Variants in UQCRC1 observed in about 807,000 individuals in gnomAD.
UQCRC1 encodes cytochrome b-c1 complex subunit 1, mitochondrial.
In UQCRC1, 34 loss-of-function variants were observed where a neutral mutation model predicts 58.0. The ratio of observed to expected loss-of-function variants is 0.59; its 90% CI spans 0.45 to 0.78. The LOEUF is 0.78. UQCRC1 is among the 30% of genes least tolerant of loss of function. UQCRC1 has a pLI of 0.00. For missense variants in UQCRC1, 610 were observed against 646.0 expected, an observed-to-expected ratio of 0.94 and a Z score of 0.60; for synonymous variants, 276 against 248.8, an observed-to-expected ratio of 1.11 and a Z score of -1.03.
chr3:48,604,040 G>A, intron 5 of UQCRC1, 193 bp downstream of exon 5: 1 of 650,776 alleles, frequency 1.5e-6, no homozygotes, highest in Non-Finnish European at 2.6e-6. Context: ...TTAAAACAAA[G>A]CCCAAAATTC....
In UQCRC1 at chr3:48,599,663, A is replaced by G. The variant is rs1307223615; in HGVS notation, c.1350T>C (p.Tyr450=). Residue 450 remains tyrosine (Y), a synonymous_variant, in exon 12 of 13, where the codon TAT becomes TAC. Transcript: ENST00000203407. ...VVREICSKYI[Y]DQCPAVAGYG... ...ATCCAGCCACTGCTGGGCACTGGTC[A>G]TAGATGTACTTGGAGCAGATCTCAC... 1.2e-6 allele frequency: 2 copies of G among 1,613,948 alleles called. No homozygotes were observed. The highest frequency in any genetic ancestry group is 1.7e-5 in the Admixed American group (1 of 60,020).
rs1042852270 is a variant in UQCRC1 at position 48,600,736 on chromosome 3, G to A, written c.1071C>T (p.His357=). The change falls in exon 9 of 13, where the codon CAC becomes CAT. Residue 357 remains histidine, a synonymous_variant. Transcript: ENST00000203407. The part of the protein sequence containing the change: ...CYAETGLLGA[H]FVCDRMKIDD... The stretch of plus-strand genomic sequence containing the variant: ...CGATTTTCATTCGGTCACAGACAAA[G>A]TGTGCACCCAGCAAGCCCGTCTCTG... 2 of 1,614,062 alleles carry A rather than the reference G, an allele frequency of 1.2e-6. No homozygotes were observed. Among genetic ancestry groups the A allele is most frequent in the African/African-American group, 1.3e-5 (1 of 74,938 alleles).
intron 6 of UQCRC1, 64 bp downstream of exon 6, chr3:48,603,500 C>A (rs894887972): frequency 6.4e-6 from 10 of 1,560,244 alleles, no homozygotes; most frequent in Non-Finnish European, 8.8e-6. Context: ...GGAACCAGGA[C>A]CTCGGCTTTG....
Position 48,600,961 on chromosome 3 carries a change from G to A in UQCRC1, c.966+14C>T, listed in dbSNP as rs184725145. On this transcript the variant is annotated intron_variant, in intron 8 of 12. Coordinates refer to ENST00000203407, the MANE Select transcript of UQCRC1 (RefSeq NM_003365.3). ...TCCCTGAAGGCGAGGTCCCATGCTC[G>A]CGCTGGCACTCACCACGCCACCACC... is the stretch of plus-strand genomic sequence containing the variant. The A allele has an allele frequency of 1.7e-4, 268 of 1,600,840 alleles. 1 individual carries two copies. In the East Asian group the frequency reaches 5.0e-3, roughly 30 times the overall value.
intron 2 of UQCRC1, 131 bp downstream of exon 2, chr3:48,609,031 C>T (rs1575515503): frequency 2.3e-6 from 3 of 1,279,720 alleles, no homozygotes; most frequent in Admixed American, 2.7e-5. Context: ...GGGCCATTCT[C>T]GGGGTGAGTG....
At chr3:48,607,717 C>A (rs1248558420) in intron 2 of UQCRC1, among the ~76,000 whole-genome samples, 1 of 152,120 alleles carries the variant, frequency 6.6e-6, no homozygotes, top group African/African-American at 2.4e-5. Flanking sequence ...AGCCACTGTG[C>A]CCCGCCCACA....
At chr3:48,602,311 A>G (rs937368995) in intron 6 of UQCRC1, among the ~76,000 whole-genome samples, 4 of 152,006 alleles carry the variant, frequency 2.6e-5, no homozygotes, top group Non-Finnish European at 5.9e-5. Flanking sequence ...TCGGCCTCCC[A>G]AAGTGCTGGG....
chr3:48,603,466 TG>T, intron 6 of UQCRC1, 97 bp downstream of exon 6: 1 of 1,219,772 alleles, frequency 8.2e-7, no homozygotes, highest in Non-Finnish European at 1.2e-6. Flanking sequence ...CAGAGTCCCC[TG>T]GGGTGAAAGG....
At chr3:48,606,040 C>T (rs2046407935) in intron 2 of UQCRC1, among the ~76,000 whole-genome samples, 184 bp from the exon 3 acceptor site, 1 of 152,130 alleles carries the variant, frequency 6.6e-6, no homozygotes, top group Non-Finnish European at 1.5e-5. Flanking sequence ...CAGGGGCAGC[C>T]GAATGACTCG....
At chr3:48,599,326 A>C (rs1030525662) in intron 12 of UQCRC1, 134 bp from the exon 13 acceptor site, 3 of 1,073,636 alleles carry the variant, frequency 2.8e-6, no homozygotes, top group Non-Finnish European at 4.0e-6. Context: ...AGAGGAGAGA[A>C]CATTCCCCCA....
Position 48,609,459 on chromosome 3 carries a change from C to T in UQCRC1, c.69+93G>A, listed in dbSNP as rs1322140979. 8.5e-6 allele frequency: 13 copies of T among 1,521,136 alleles called. No individual in the cohort carries two copies. The Admixed American group carries it at 1.2e-4, about 14-fold the overall frequency. The allele number at this position is 1,521,136 out of a possible 1,614,324, so 94.2% of individuals were successfully genotyped here. ...CCTTCCCACGGCCCTGACCCCGCGT[C>T]CTCCCCACCTCGACCTGCCACTGCT... is the stretch of plus-strand genomic sequence containing the variant. On this transcript the variant is annotated intron_variant, in intron 1 of 12. Coordinates refer to ENST00000203407, the MANE Select transcript of UQCRC1 (RefSeq NM_003365.3).
At chr3:48,600,890 ACT>A (rs1491518930) in intron 8 of UQCRC1, 50 bp from the exon 9 acceptor site, 22 of 1,611,904 alleles carry the variant, frequency 1.4e-5, no homozygotes, top group Non-Finnish European at 1.8e-5. Flanking sequence ...TTCAACGCAC[ACT>A]GTGACCCCCA....
intron 6 of UQCRC1, among the ~76,000 whole-genome samples, chr3:48,601,875 G>A (rs1033107442): frequency 3.3e-5 from 5 of 152,120 alleles, no homozygotes; most frequent in Admixed American, 1.3e-4. Context: ...CCCTGCAGGG[G>A]GTGGCAAGTG....
At chr3:48,608,612 G>A (rs1480116843) in intron 2 of UQCRC1, among the ~76,000 whole-genome samples, 2 of 152,246 alleles carry the variant, frequency 1.3e-5, no homozygotes, top group Non-Finnish European at 2.9e-5. Context: ...GGGGCTGAAA[G>A]GAGGAGGAGA....
rs762238485 is a variant in UQCRC1 at position 48,601,040 on chromosome 3, T to G, written c.901A>C (p.Asn301His). ...VEGPGWASPD[N>H]VALQVANAII... is the part of the protein sequence containing the mutation. ...GCATTGGCCACTTGCAAGGCCACAT[T>G]GTCCGGGCTGGCCCAGCCAGGACCC... The change falls in exon 8 of 13, where the codon AAT (asparagine) becomes CAT (histidine). Residue 301 changes from asparagine (N) to histidine (H), a missense_variant. Transcript: ENST00000203407. The G allele has an allele frequency of 3.1e-6, 5 of 1,610,652 alleles. No individual in the cohort carries two copies. The Admixed American group carries it at 8.3e-5, about 27-fold the overall frequency.
chr3:48,609,441 A>C, intron 1 of UQCRC1, 111 bp downstream of exon 1: 2 of 1,510,984 alleles, frequency 1.3e-6, no homozygotes, highest in Admixed American at 4.0e-5. Context: ...TGACCTTCCC[A>C]CGGCCCTGAC....
chr3:48,605,090 C>T (rs956359795), intron 3 of UQCRC1, among the ~76,000 whole-genome samples: 1 of 152,184 alleles, frequency 6.6e-6, no homozygotes, highest in Non-Finnish European at 1.5e-5. Flanking sequence ...ACCAGTACAC[C>T]TCCCCCCTCC....
At chr3:48,609,476 G>A in intron 1 of UQCRC1, 76 bp downstream of exon 1, 2 of 1,529,598 alleles carry the variant, frequency 1.3e-6, no homozygotes, top group Non-Finnish European at 1.8e-6. Context: ...ACCTCGACCT[G>A]CCACTGCTAA....
intron 2 of UQCRC1, among the ~76,000 whole-genome samples, chr3:48,607,253 GGATGGTCTCAATCTCCT>G (rs2046422697): frequency 6.6e-6 from 1 of 152,116 alleles, no homozygotes; most frequent in South Asian, 2.1e-4. Flanking sequence ...GTGTTAGCCA[GGATGGTCTCAATCTCCT>G]GACCTTGTGA....
Sources: allele counts gnomAD v4.1 joint callset (sites outside exome capture counted in the v4.1 genomes callset), GRCh38; gene constraint gnomAD v4.1.1; transcripts MANE v1.5; gene names NCBI Gene and HGNC (gene_info 2026-07-23, HGNC 2026-07-21).